The following ZCWPW2 variants were observed in gnomAD, a reference collection of about 807,000 sequenced individuals.
ZCWPW2 encodes the protein zinc finger CW-type PWWP domain protein 2.
A neutral mutation model predicts 46.6 loss-of-function variants in ZCWPW2; 45 were observed. The observed-to-expected ratio is 0.96, with a 90% CI of 0.76 to 1.24. ZCWPW2 has a LOEUF of 1.24. ZCWPW2 is among the 50% of genes most tolerant of loss of function. The pLI, the probability that ZCWPW2 is intolerant of heterozygous loss-of-function variation, is 0.00. For missense variants in ZCWPW2, 429 were observed against 403.9 expected (o/e 1.06, Z -0.53); for synonymous variants, 152 against 137.1 (o/e 1.11, Z -0.76).
intron 5 of ZCWPW2, among the ~76,000 whole-genome samples, chr3:28,480,156 CA>C (rs758654058): frequency 8.5e-5 from 13 of 152,176 alleles, no homozygotes; most frequent in Non-Finnish European, 1.3e-4. Context: ...CTGTCTTACA[CA>C]ATGGTTGAAC....
At chr3:28,455,129 C>T (rs1004346366) in intron 4 of ZCWPW2, among the ~76,000 whole-genome samples, 1 of 152,218 alleles carries the variant, frequency 6.6e-6, no homozygotes, top group East Asian at 1.9e-4. Flanking sequence ...CTTTTCTCTA[C>T]AACCTCACCA....
At chr3:28,371,071 T>G (rs1280326283) in intron 1 of ZCWPW2, among the ~76,000 whole-genome samples, 1 of 152,184 alleles carries the variant, frequency 6.6e-6, no homozygotes, top group East Asian at 1.9e-4. Context: ...GAGTTATGTT[T>G]CCTTTAAACA....
At chr3:28,406,513 A>T (rs1016000089) in intron 2 of ZCWPW2, among the ~76,000 whole-genome samples, 14 of 152,178 alleles carry the variant, frequency 9.2e-5, no homozygotes, top group African/African-American at 3.1e-4. Flanking sequence ...CTACATCATG[A>T]CTTTGAGAGG....
rs190404791 is a variant in ZCWPW2, at chr3:28,376,606, C to A, written c.-133-13892C>A. On this transcript the variant is annotated intron_variant, in intron 1 of 9. Coordinates refer to ENST00000383768, the MANE Select transcript of ZCWPW2 (RefSeq NM_001040432.4). ...CTCTATACTGTCTGCTCAGTGTTTTCACTTCTCTTTGGACACAGGGATTGC... is the reference window on the plus strand; with the variant it reads ...CTCTATACTGTCTGCTCAGTGTTTTAACTTCTCTTTGGACACAGGGATTGC... Among the ~76,000 whole-genome samples, 3 of 152,224 alleles carry A rather than the reference C, an allele frequency of 2.0e-5. No homozygotes were observed. The East Asian group carries it at 5.8e-4, about 29-fold the overall frequency.
At chr3:28,432,038 A>G (rs1339472194) in intron 3 of ZCWPW2, among the ~76,000 whole-genome samples, 3 of 152,156 alleles carry the variant, frequency 2.0e-5, no homozygotes, top group African/African-American at 7.2e-5. Context: ...TCACAAGAAC[A>G]GCAGCATTGG....
intron 1 of ZCWPW2, among the ~76,000 whole-genome samples, chr3:28,356,591 C>G (rs935429408): frequency 3.3e-5 from 5 of 152,170 alleles, no homozygotes; most frequent in African/African-American, 9.7e-5. Flanking sequence ...ATAGCAAAGA[C>G]TTGGAACTAA....
At chr3:28,514,028 T>C in intron 6 of ZCWPW2, 36 bp from the exon 7 acceptor site, 2 of 1,456,848 alleles carry the variant, frequency 1.4e-6, no homozygotes, top group Non-Finnish European at 1.9e-6. Flanking sequence ...TTTAGTCCTA[T>C]ATGAACTAAC....
At position 28,525,553 on chromosome 3, in the gene ZCWPW2, A is replaced by G. The variant is rs1700827730; in HGVS notation, c.*865A>G. Among the ~76,000 whole-genome samples the G allele has an allele frequency of 6.6e-6, 1 of 152,086 alleles. No individual in the cohort carries two copies. Among genetic ancestry groups the G allele is most frequent in the Non-Finnish European group, 1.5e-5 (1 of 68,016 alleles). On this transcript the variant is annotated 3_prime_UTR_variant, in exon 10 of 10. Coordinates refer to ENST00000383768, the MANE Select transcript of ZCWPW2 (RefSeq NM_001040432.4). Reference sequence around the variant, plus strand: ...GGGAAAAGGGCATTCCAAGCACATAAAAACCAAAGCTTGAGGAGAGAAGAA... The same window carrying G: ...GGGAAAAGGGCATTCCAAGCACATAGAAACCAAAGCTTGAGGAGAGAAGAA...
At chr3:28,506,948 T>C (rs1700294294) in intron 6 of ZCWPW2, among the ~76,000 whole-genome samples, 1 of 152,194 alleles carries the variant, frequency 6.6e-6, no homozygotes, top group South Asian at 2.1e-4. Context: ...TTGAGGTAGA[T>C]ATTTTTTGGC....
chr3:28,517,575 T>C (rs908419349), intron 8 of ZCWPW2, among the ~76,000 whole-genome samples: 1 of 152,206 alleles, frequency 6.6e-6, no homozygotes, highest in South Asian at 2.1e-4. Flanking sequence ...GCTCCCGTGA[T>C]GCACTTACCT....
At chr3:28,474,266 G>A (rs1699145114) in intron 4 of ZCWPW2, among the ~76,000 whole-genome samples, 1 of 152,124 alleles carries the variant, frequency 6.6e-6, no homozygotes, top group Admixed American at 6.5e-5. Context: ...ATTGCTTGTG[G>A]CATTGTAAAC....
intron 1 of ZCWPW2, among the ~76,000 whole-genome samples, chr3:28,360,494 G>T (rs918076535): frequency 2.7e-5 from 4 of 150,194 alleles, no homozygotes; most frequent in South Asian, 2.1e-4. Flanking sequence ...CGGCACTCCA[G>T]CCTGGGTGAC....
chr3:28,429,546 A>T (rs1697158472), intron 3 of ZCWPW2, among the ~76,000 whole-genome samples: 1 of 152,234 alleles, frequency 6.6e-6, no homozygotes, highest in Non-Finnish European at 1.5e-5. Context: ...CCATTTTCTG[A>T]GAAGAAATTC....
At chr3:28,389,238 A>T (rs963017502) in intron 1 of ZCWPW2, among the ~76,000 whole-genome samples, 1 of 152,192 alleles carries the variant, frequency 6.6e-6, no homozygotes, top group Non-Finnish European at 1.5e-5. Flanking sequence ...CATGGATACA[A>T]GATATAAGGG....
At chr3:28,472,170 A>G (rs773159021) in intron 4 of ZCWPW2, among the ~76,000 whole-genome samples, 26 of 152,196 alleles carry the variant, frequency 1.7e-4, no homozygotes, top group Admixed American at 3.3e-4. Flanking sequence ...TACAGATTCA[A>G]TGCAATCCCT....
At chr3:28,522,581 G>A (rs1462511526) in intron 9 of ZCWPW2, among the ~76,000 whole-genome samples, 1 of 152,134 alleles carries the variant, frequency 6.6e-6, no homozygotes, top group Non-Finnish European at 1.5e-5. Context: ...CCTTTATTGA[G>A]TTAGAAATTA....
At chr3:28,438,745 T>G (rs1697598621) in intron 4 of ZCWPW2, among the ~76,000 whole-genome samples, 2 of 152,162 alleles carry the variant, frequency 1.3e-5, no homozygotes, top group African/African-American at 4.8e-5. Context: ...TTAAAGCCAC[T>G]GTCTTAAAGA....
In ZCWPW2 at chr3:28,525,575, A is replaced by C. The variant is rs1334239506; in HGVS notation, c.*887A>C. 6.6e-6 allele frequency among the ~76,000 whole-genome samples: 1 copy of C among 152,112 alleles called. No homozygotes were observed. Among genetic ancestry groups the C allele is most frequent in the Non-Finnish European group, 1.5e-5 (1 of 67,998 alleles). Reference sequence around the variant, plus strand: ...ATAAAAACCAAAGCTTGAGGAGAGAAGAAGTGCACGAGAGCATCACCACAG... The same window carrying C: ...ATAAAAACCAAAGCTTGAGGAGAGACGAAGTGCACGAGAGCATCACCACAG... On this transcript the variant is annotated 3_prime_UTR_variant, in exon 10 of 10. Coordinates refer to ENST00000383768, the MANE Select transcript of ZCWPW2 (RefSeq NM_001040432.4).
chr3:28,357,562 A>T (rs774464129), intron 1 of ZCWPW2, among the ~76,000 whole-genome samples: 3 of 151,986 alleles, frequency 2.0e-5, no homozygotes, highest in African/African-American at 7.2e-5. Flanking sequence ...CCAAAGGTAG[A>T]CAAAGGGAGA....
Sources: gnomAD v4.1 joint callset for allele counts (sites outside exome capture counted in the v4.1 genomes callset) on GRCh38, gnomAD v4.1.1 for gene constraint, MANE v1.5 for transcripts, NCBI Gene and HGNC (gene_info 2026-07-23, HGNC 2026-07-21) for gene names.